The following DIXDC1 variants were observed in gnomAD, a reference collection of about 807,000 sequenced individuals.
The protein encoded by DIXDC1 is dixin.
In DIXDC1, 64 loss-of-function variants were observed where a neutral mutation model predicts 103.1. That is an observed-to-expected ratio of 0.62 (90% confidence interval 0.51 to 0.76). The LOEUF (loss-of-function observed/expected upper bound fraction) is 0.76, where lower values mean the gene tolerates loss of function less well. Among genes scored for constraint, DIXDC1 ranks in the 30% least tolerant of loss-of-function variants. DIXDC1 has a pLI of 0.00. For missense variants in DIXDC1, 759 were observed against 834.2 expected, an observed-to-expected ratio of 0.91 and a Z score of 1.11; for synonymous variants, 266 against 298.5, an observed-to-expected ratio of 0.89 and a Z score of 1.12.
At chr11:111,974,726 C>T in intron 4 of DIXDC1, 150 bp from the exon 5 acceptor site, 6 of 1,405,848 alleles carry the variant, frequency 4.3e-6, no homozygotes, top group Non-Finnish European at 5.6e-6. Context: ...TGTCTGCCTT[C>T]CCTGCTAGGT....
At chr11:111,959,397 T>C (rs1555170869) in intron 1 of DIXDC1, among the ~76,000 whole-genome samples, 1 of 152,216 alleles carries the variant, frequency 6.6e-6, no homozygotes, top group East Asian at 1.9e-4. Context: ...GCTTGCAGTA[T>C]GCCTGGTCCA....
At position 111,982,372 on chromosome 11, in the gene DIXDC1, G is replaced by A. The variant is rs370686748; in HGVS notation, c.803G>A (p.Arg268Gln). ...GTDSPLSRDW[R>Q]PGSPGTYLET... ...GATTCTCCATTATCTCGAGACTGGC[G>A]GCCAGGGAGCCCTGGAACCTATCTG... is the stretch of plus-strand genomic sequence containing the variant. The change falls in exon 7 of 20, where the codon CGG becomes CAG. Residue 268 changes from arginine (R) to glutamine (Q), a missense_variant. This residue lies in a region of DIXDC1 where 657 missense variants were observed against 727.5 expected (regional missense o/e 0.90). Transcript: ENST00000440460. 3.7e-5 allele frequency: 59 copies of A among 1,613,740 alleles called. No individual in the cohort carries two copies. Among genetic ancestry groups the A allele is most frequent in the African/African-American group, 8.0e-5 (6 of 74,898 alleles).
intron 9 of DIXDC1, among the ~76,000 whole-genome samples, chr11:111,988,677 A>C (rs1592600959): frequency 6.6e-6 from 1 of 152,206 alleles, no homozygotes; most frequent in African/African-American, 2.4e-5. Flanking sequence ...GATTTAGATT[A>C]TTATAATTAG....
chr11:111,991,107 C>T (rs1555174495), intron 10 of DIXDC1, among the ~76,000 whole-genome samples: 1 of 152,222 alleles, frequency 6.6e-6, no homozygotes, highest in African/African-American at 2.4e-5. Flanking sequence ...CTTCCTTGCA[C>T]ATCCGTTCAT....
intron 17 of DIXDC1, among the ~76,000 whole-genome samples, chr11:111,996,538 T>C (rs1424427744): frequency 1.3e-5 from 2 of 152,178 alleles, no homozygotes; most frequent in Admixed American, 6.5e-5. Context: ...TTTAATTTCT[T>C]TGGAGATATT....
intron 6 of DIXDC1, among the ~76,000 whole-genome samples, chr11:111,981,171 T>C (rs1351213998): frequency 3.9e-5 from 6 of 152,344 alleles, no homozygotes; most frequent in Admixed American, 2.6e-4. Context: ...TCCTATCTTA[T>C]ACAAATAATT....
In DIXDC1 at chr11:111,988,631, G is replaced by A. The variant is rs1860582832; in HGVS notation, c.1063-374G>A. ...TAATTATTTAATGACATTGGGGGTA[G>A]GCATATTTAGATATGATCATATATT... is the stretch of plus-strand genomic sequence containing the variant. On this transcript the variant is annotated intron_variant, in intron 9 of 19. Coordinates refer to ENST00000440460, the MANE Select transcript of DIXDC1 (RefSeq NM_001037954.4). 2.0e-5 allele frequency among the ~76,000 whole-genome samples: 3 copies of A among 152,146 alleles called. No homozygotes were observed. In the South Asian group the frequency reaches 6.2e-4, roughly 31 times the overall value.
chr11:111,947,929 G>A (rs1327483713), intron 1 of DIXDC1, among the ~76,000 whole-genome samples: 4 of 152,192 alleles, frequency 2.6e-5, no homozygotes, highest in African/African-American at 9.6e-5. Context: ...AAGGCAGGAG[G>A]ATGGCTTGAG....
rs141340747 is a variant in DIXDC1, at chr11:111,956,906, C to T, written c.61-7643C>T. Among the ~76,000 whole-genome samples, 485 of 151,966 alleles carry T rather than the reference C, an allele frequency of 3.2e-3. 8 individuals are homozygous for T. The highest frequency in any genetic ancestry group is 0.011 in the African/African-American group (456 of 41,438). On this transcript the variant is annotated intron_variant, in intron 1 of 19. Coordinates refer to ENST00000440460, the MANE Select transcript of DIXDC1 (RefSeq NM_001037954.4). ...AGAGGGCCAGGCATGGGAGTTCATG[C>T]GTGTAATCCCAGCACTTTGGGAGGC...
At chr11:111,978,004 C>A (rs1205937930) in intron 5 of DIXDC1, among the ~76,000 whole-genome samples, 2 of 152,024 alleles carry the variant, frequency 1.3e-5, no homozygotes, top group African/African-American at 4.8e-5. Flanking sequence ...TTGCGCCTGC[C>A]AGGGTCTTTG....
intron 1 of DIXDC1, among the ~76,000 whole-genome samples, chr11:111,938,599 C>G (rs1387380437): frequency 6.6e-6 from 1 of 152,204 alleles, no homozygotes. Flanking sequence ...CCCATTCCAG[C>G]CTTTTCTCCA....
intron 17 of DIXDC1, among the ~76,000 whole-genome samples, chr11:112,003,315 G>T (rs35574414): frequency 6.6e-6 from 1 of 151,884 alleles, no homozygotes; most frequent in Non-Finnish European, 1.5e-5. Flanking sequence ...AAATTAGCGG[G>T]CGGGTGGCAA....
intron 3 of DIXDC1, among the ~76,000 whole-genome samples, chr11:111,972,584 C>G (rs772760652): frequency 6.6e-5 from 10 of 152,168 alleles, no homozygotes; most frequent in Non-Finnish European, 1.2e-4. Flanking sequence ...CTGTGGCCTC[C>G]CATGCCCTGT....
Position 111,981,122 on chromosome 11 carries a change from G to T in DIXDC1, c.769+273G>T, listed in dbSNP as rs587684642. ...CCTATGAATTAGGAAATGACTTTGG[G>T]GCAGTCAAAAGCCTTACTCAAGTAA... On this transcript the variant is annotated intron_variant, in intron 6 of 19. Transcript: ENST00000440460. Among the ~76,000 whole-genome samples the T allele has an allele frequency of 2.1e-3, 317 of 152,230 alleles. 3 individuals are homozygous for T. Among genetic ancestry groups the T allele is most frequent in the South Asian group, 9.1e-3 (44 of 4,810 alleles).
At chr11:111,991,227 A>C (rs1860704269) in intron 10 of DIXDC1, among the ~76,000 whole-genome samples, 1 of 152,218 alleles carries the variant, frequency 6.6e-6, no homozygotes, top group African/African-American at 2.4e-5. Context: ...AGTTTGAGAA[A>C]TGCTCTGCTG....
In DIXDC1 at chr11:111,977,350, G is replaced by C. The variant is rs1592587083; in HGVS notation, c.656+2367G>C. 2 of 1,066,026 alleles carry C rather than the reference G, an allele frequency of 1.9e-6. No homozygotes were observed. The highest frequency in any genetic ancestry group is 1.1e-6 in the Non-Finnish European group (1 of 880,916). 66.0% of individuals were successfully genotyped at this position (1,066,026 alleles called of 1,614,324 possible). ...GGAGTGGGATCGCCGCTGGGGACTCGAGGCGCAGCCTGCGCCGCCGGGAGC... is the reference window on the plus strand; with the variant it reads ...GGAGTGGGATCGCCGCTGGGGACTCCAGGCGCAGCCTGCGCCGCCGGGAGC... On this transcript the variant is annotated intron_variant, in intron 5 of 19. Transcript: ENST00000440460. This position sits in a 1 kb window ranked among gnomAD's most constrained non-coding sequence, Gnocchi z 6.1.
At chr11:112,018,383 G>C (rs1189616822) in intron 19 of DIXDC1, among the ~76,000 whole-genome samples, 5 of 152,114 alleles carry the variant, frequency 3.3e-5, no homozygotes, top group African/African-American at 1.2e-4. Flanking sequence ...TAGACTTTTG[G>C]GGGAATACAG....
chr11:111,942,587 A>G (rs1555168968), intron 1 of DIXDC1, among the ~76,000 whole-genome samples: 1 of 152,210 alleles, frequency 6.6e-6, no homozygotes, highest in African/African-American at 2.4e-5. Context: ...GTGATACTTC[A>G]TTCATCCATT....
chr11:111,993,000 AT>A lies in DIXDC1; in HGVS notation c.1269del (p.Tyr423Ter). 1 of 1,602,596 alleles carries A rather than the reference AT, an allele frequency of 6.2e-7. No homozygotes were observed. Among genetic ancestry groups the A allele is most frequent in the Non-Finnish European group, 8.5e-7 (1 of 1,174,528 alleles). ...LDERNRLLGE[Y>X]KKELGQKDRL... The stretch of plus-strand genomic sequence containing the variant: ...GAGAGGAACCGGCTCTTGGGAGAAT[AT>A]AAAGTAAGAATGAATATCAGTTTGG... On this transcript the variant is annotated frameshift_variant, in exon 12 of 20. Coordinates refer to ENST00000440460, the MANE Select transcript of DIXDC1 (RefSeq NM_001037954.4). LOFTEE classifies it high-confidence loss of function.
Sources: gnomAD v4.1 joint callset for allele counts (sites outside exome capture counted in the v4.1 genomes callset) on GRCh38, gnomAD v4.1.1 for gene constraint, gnomAD v4.1.1 regional missense constraint, Gnocchi (gnomAD v3.1) non-coding constraint, MANE v1.5 for transcripts, NCBI Gene and HGNC (gene_info 2026-07-23, HGNC 2026-07-21) for gene names.